The following KIAA0319 variants were observed in gnomAD, a reference collection of about 807,000 sequenced individuals.
KIAA0319 encodes the protein KIAA0319, also known as dyslexia-associated protein KIAA0319.
KIAA0319 carries 83 observed loss-of-function variants against 108.4 expected under a neutral mutation model. The observed-to-expected ratio is 0.77, with a 90% CI of 0.64 to 0.92. The LOEUF (loss-of-function observed/expected upper bound fraction) is 0.92. Ranked by LOEUF, KIAA0319 falls within the 40% of genes least tolerant of loss-of-function variation. The probability of loss-of-function intolerance (pLI) is 0.00; values close to 1 mark genes in which losing one functional copy is unlikely to be tolerated. For synonymous variants in KIAA0319, 484 were observed against 510.4 expected (o/e 0.95, Z 0.70); for missense variants, 1,195 against 1,322.4 (o/e 0.90, Z 1.49).
At chr6:24,596,857 AC>A (rs749468067) in intron 2 of KIAA0319, among the ~76,000 whole-genome samples, 4 of 151,504 alleles carry the variant, frequency 2.6e-5, no homozygotes, top group Non-Finnish European at 4.4e-5. Flanking sequence ...TCATTCATCC[AC>A]CCGTCTTTCC....
chr6:24,611,216 G>C (rs999066706), intron 1 of KIAA0319, among the ~76,000 whole-genome samples: 2 of 151,774 alleles, frequency 1.3e-5, no homozygotes, highest in African/African-American at 4.8e-5. Context: ...TCTAGGCCAG[G>C]GGCAGTGGCT....
chr6:24,564,624 A>T (rs1439185075), intron 14 of KIAA0319, among the ~76,000 whole-genome samples: 1 of 152,242 alleles, frequency 6.6e-6, no homozygotes, highest in Non-Finnish European at 1.5e-5. Flanking sequence ...TGTATCCAAC[A>T]AAGGGAAAGA....
At chr6:24,624,448 T>A (rs1562092082) in intron 1 of KIAA0319, among the ~76,000 whole-genome samples, 1 of 152,162 alleles carries the variant, frequency 6.6e-6, no homozygotes, top group South Asian at 2.1e-4. Context: ...AATAAAAATT[T>A]TTTTGGAGGA....
intron 13 of KIAA0319, among the ~76,000 whole-genome samples, chr6:24,567,320 A>C (rs116698641): frequency 0.015 from 2,331 of 152,274 alleles, 30 homozygotes; most frequent in South Asian, 0.047. Context: ...GGGGCAACAC[A>C]ACAAGTCTCC....
intron 4 of KIAA0319, among the ~76,000 whole-genome samples, chr6:24,585,693 C>G (rs1189112270): frequency 1.3e-5 from 2 of 152,134 alleles, no homozygotes; most frequent in African/African-American, 2.4e-5. Flanking sequence ...TCTTATATAC[C>G]TATGACCTGA....
intron 16 of KIAA0319, among the ~76,000 whole-genome samples, chr6:24,563,079 G>A (rs1283315351): frequency 6.6e-6 from 1 of 152,104 alleles, no homozygotes; most frequent in African/African-American, 2.4e-5. Flanking sequence ...GCCCAGCTCT[G>A]AAGACACCAG....
At chr6:24,566,531 A>G in intron 14 of KIAA0319, 66 bp downstream of exon 14, 3 of 1,391,364 alleles carry the variant, frequency 2.2e-6, no homozygotes, top group Non-Finnish European at 2.9e-6. Flanking sequence ...TATTGTTTGC[A>G]GCCCAAGCTG....
intron 1 of KIAA0319, among the ~76,000 whole-genome samples, chr6:24,613,957 G>A (rs1000325495): frequency 3.3e-5 from 5 of 151,968 alleles, no homozygotes; most frequent in Non-Finnish European, 5.9e-5. Flanking sequence ...TGTTTTTTTG[G>A]TAAGGCTTGC....
intron 20 of KIAA0319, among the ~76,000 whole-genome samples, chr6:24,551,136 G>A (rs1371460087): frequency 7.0e-6 from 1 of 143,490 alleles, no homozygotes; most frequent in Admixed American, 7.1e-5. Context: ...ACACCACCAC[G>A]CCCGGCTAAT....
intron 2 of KIAA0319, 28 bp downstream of exon 2, chr6:24,601,021 G>T: frequency 6.2e-7 from 1 of 1,613,648 alleles, no homozygotes; most frequent in South Asian, 1.1e-5. Context: ...AGTCCAACAC[G>T]GGTATCTCCA....
intron 3 of KIAA0319, among the ~76,000 whole-genome samples, chr6:24,593,362 A>C (rs868711539): frequency 2.4e-4 from 36 of 151,268 alleles, no homozygotes; most frequent in Non-Finnish European, 4.0e-4. Context: ...AACAATTCAC[A>C]ATTTCACCTA....
At chr6:24,593,051 A>G (rs1276937658) in intron 3 of KIAA0319, among the ~76,000 whole-genome samples, 1 of 152,210 alleles carries the variant, frequency 6.6e-6, no homozygotes, top group African/African-American at 2.4e-5. Flanking sequence ...GCCTCTAGTC[A>G]TTCTTGTATT....
At chr6:24,550,908 A>C (rs1469048626) in intron 20 of KIAA0319, among the ~76,000 whole-genome samples, 1 of 152,136 alleles carries the variant, frequency 6.6e-6, no homozygotes, top group Non-Finnish European at 1.5e-5. Context: ...AATTTCATTA[A>C]ATTTATAATG....
chr6:24,636,554 AAC>A (rs1445218472), intron 1 of KIAA0319, among the ~76,000 whole-genome samples: 3 of 152,220 alleles, frequency 2.0e-5, no homozygotes, highest in African/African-American at 7.2e-5. Context: ...CTGAAGGAAG[AAC>A]AAACATCAAA....
At chr6:24,641,518 T>C (rs1185620700) in intron 1 of KIAA0319, among the ~76,000 whole-genome samples, 1 of 152,202 alleles carries the variant, frequency 6.6e-6, no homozygotes, top group Non-Finnish European at 1.5e-5. Flanking sequence ...AGTTGTAGTA[T>C]AGTAGGGGAT....
At chr6:24,555,348 T>C (rs1254243502) in intron 18 of KIAA0319, among the ~76,000 whole-genome samples, 1 of 151,916 alleles carries the variant, frequency 6.6e-6, no homozygotes, top group Non-Finnish European at 1.5e-5. Flanking sequence ...AATACAAAAA[T>C]TAGCTGGACA....
intron 1 of KIAA0319, among the ~76,000 whole-genome samples, chr6:24,604,777 G>C (rs1771158010): frequency 6.6e-6 from 1 of 152,134 alleles, no homozygotes; most frequent in Non-Finnish European, 1.5e-5. Flanking sequence ...AAGGCATATG[G>C]ACTAGATGTT....
At chr6:24,559,548 CT>C (rs1384265425) in intron 16 of KIAA0319, among the ~76,000 whole-genome samples, 2 of 151,956 alleles carry the variant, frequency 1.3e-5, no homozygotes, top group Admixed American at 6.6e-5. Flanking sequence ...AGATCTTGCC[CT>C]ATGTACCTTT....
intron 19 of KIAA0319, among the ~76,000 whole-genome samples, chr6:24,554,339 C>T (rs191820815): frequency 6.6e-6 from 1 of 152,224 alleles, no homozygotes; most frequent in Admixed American, 6.5e-5. Context: ...AATCGTTGAC[C>T]CTCCTAGAAA....
Sources: allele counts gnomAD v4.1 joint callset (sites outside exome capture counted in the v4.1 genomes callset), GRCh38; gene constraint gnomAD v4.1.1; transcripts MANE v1.5; gene names NCBI Gene and HGNC (gene_info 2026-07-23, HGNC 2026-07-21).